Variants in MGAM2 observed in about 807,000 individuals in gnomAD.
MGAM2 encodes probable maltase-glucoamylase 2.
Under a neutral mutation model 96.1 loss-of-function variants are expected in MGAM2, and 98 were observed. That is an observed-to-expected ratio of 1.02 (90% CI 0.87 to 1.21). The LOEUF is 1.21. Among genes scored for constraint, MGAM2 ranks in the 50% most tolerant of loss-of-function variants. The probability of loss-of-function intolerance (pLI) is 0.00; values close to 1 mark genes in which losing one functional copy is unlikely to be tolerated. For synonymous variants in MGAM2, 749 were observed against 414.8 expected (o/e 1.81, Z -9.79); for missense variants, 2,055 against 1,182.4 (o/e 1.74, Z -10.82).
Position 142,177,381 on chromosome 7 carries a change from C to A in MGAM2, c.3816+1601C>A, listed in dbSNP as rs529142866. On this transcript the variant is annotated intron_variant, in intron 32 of 47. Coordinates refer to ENST00000477922, the MANE Select transcript of MGAM2 (RefSeq NM_001293626.2). ...ATTACCTCCTACCATGTCCCTCTTACAACACATGAGAATTCAGGATGAGAT... is the reference window on the plus strand; with the variant it reads ...ATTACCTCCTACCATGTCCCTCTTAAAACACATGAGAATTCAGGATGAGAT... Among the ~76,000 whole-genome samples the A allele has an allele frequency of 1.2e-4, 18 of 152,286 alleles. No individual in the cohort carries two copies. In the South Asian group the frequency reaches 3.7e-3, roughly 32 times the overall value.
At chr7:142,135,081 A>C (rs1415850689) in intron 7 of MGAM2, among the ~76,000 whole-genome samples, 1 of 151,898 alleles carries the variant, frequency 6.6e-6, no homozygotes, top group Non-Finnish European at 1.5e-5. Flanking sequence ...TGTGCTGATG[A>C]TATTTCTTGG....
chr7:142,160,939 T>C (rs1309542049), intron 21 of MGAM2, among the ~76,000 whole-genome samples, 186 bp from the exon 22 acceptor site: 1 of 152,170 alleles, frequency 6.6e-6, no homozygotes, highest in African/African-American at 2.4e-5. Flanking sequence ...CTTCCCTTTA[T>C]GTCCACTCAC....
At chr7:142,179,279 G>A (rs919078807) in intron 32 of MGAM2, among the ~76,000 whole-genome samples, 1 of 152,106 alleles carries the variant, frequency 6.6e-6, no homozygotes, top group African/African-American at 2.4e-5. Flanking sequence ...GGTTTTCTAG[G>A]TATGGAATCA....
chr7:142,138,439 C>T (rs2129079687), intron 9 of MGAM2, 103 bp from the exon 10 acceptor site: 3 of 599,426 alleles, frequency 5.0e-6, no homozygotes, highest in East Asian at 2.8e-5. Context: ...ATTATTCTAG[C>T]AGATTACTCT....
chr7:142,216,739 AT>A, intron 46 of MGAM2, among the ~76,000 whole-genome samples: 1 of 152,240 alleles, frequency 6.6e-6, no homozygotes, highest in South Asian at 2.1e-4. Flanking sequence ...TTTTTCCTTG[AT>A]TCTGCCTGCC....
At chr7:142,117,857 T>G (rs902734156) in intron 2 of MGAM2, among the ~76,000 whole-genome samples, 6 of 152,170 alleles carry the variant, frequency 3.9e-5, no homozygotes, top group African/African-American at 9.7e-5. Flanking sequence ...TTATTTGATA[T>G]AAAACTAGAT....
intron 37 of MGAM2, among the ~76,000 whole-genome samples, chr7:142,192,547 G>A (rs1796902404): frequency 6.6e-6 from 1 of 152,190 alleles, no homozygotes; most frequent in South Asian, 2.1e-4. Context: ...TAGAAGAAGT[G>A]ATGTTTGAAT....
At chr7:142,114,230 GAAATA>G (rs1817308487) in intron 1 of MGAM2, among the ~76,000 whole-genome samples, 1 of 147,490 alleles carries the variant, frequency 6.8e-6, no homozygotes, top group Non-Finnish European at 1.5e-5. Context: ...AAGAAAGAAA[GAAATA>G]GGAGACTACA....
At chr7:142,212,772 T>C (rs2961059) in intron 46 of MGAM2, among the ~76,000 whole-genome samples, 97,329 of 151,958 alleles carry the variant, frequency 0.64, 31,311 homozygotes, top group Admixed American at 0.69. Context: ...ATTAGACAGA[T>C]CAACAAGACA....
At chr7:142,161,863 G>A in intron 22 of MGAM2, 92 bp from the exon 23 acceptor site, 2 of 563,536 alleles carry the variant, frequency 3.5e-6, no homozygotes, top group Non-Finnish European at 6.2e-6. Flanking sequence ...CTAGATGGTT[G>A]GTAAAGGAAT....
Position 142,159,335 on chromosome 7 carries a change from T to C in MGAM2, c.2212T>C (p.Tyr738His), listed in dbSNP as rs748919719. The C allele has an allele frequency of 1.6e-5, 11 of 702,390 alleles. No homozygotes were observed. Among genetic ancestry groups the C allele is most frequent in the Admixed American group, 4.0e-5 (2 of 49,982 alleles). The allele number at this position is 702,390 out of a possible 1,614,324, so 43.5% of individuals were successfully genotyped here. Residue 738 changes from tyrosine (Y) to histidine (H), a missense_variant, in exon 20 of 48, where the codon TAT becomes CAT. By Grantham distance (83) the Tyr-to-His change is moderately conservative. Coordinates refer to ENST00000477922, the MANE Select transcript of MGAM2 (RefSeq NM_001293626.2). Reference sequence around the variant, plus strand: ...CATACCTGATGCCACCTGGTATGACTATGAGACAGTAAGTAAGGCAGCCCT... The same window carrying C: ...CATACCTGATGCCACCTGGTATGACCATGAGACAGTAAGTAAGGCAGCCCT... ...AYIPDATWYD[Y>H]ETGVAISWRK...
chr7:142,157,022 TG>T (rs1795754839), intron 17 of MGAM2, among the ~76,000 whole-genome samples: 1 of 152,180 alleles, frequency 6.6e-6, no homozygotes, highest in Admixed American at 6.5e-5. Flanking sequence ...ATTTGCACAA[TG>T]TATGTCAAAG....
intron 12 of MGAM2, among the ~76,000 whole-genome samples, chr7:142,143,259 C>T (rs7780177): frequency 0.37 from 56,722 of 151,922 alleles, 11,220 homozygotes; most frequent in East Asian, 0.48. Context: ...GTTTGATAGG[C>T]ATAGACAGAA....
At chr7:142,117,283 T>G (rs572370768) in intron 2 of MGAM2, among the ~76,000 whole-genome samples, 3 of 152,220 alleles carry the variant, frequency 2.0e-5, no homozygotes, top group South Asian at 4.2e-4. Flanking sequence ...CTGCCTTCAA[T>G]GAGAAAGGAC....
chr7:142,205,403 G>A (rs1186400245), intron 45 of MGAM2, among the ~76,000 whole-genome samples: 2 of 152,032 alleles, frequency 1.3e-5, no homozygotes, highest in African/African-American at 4.8e-5. Flanking sequence ...TTCTATAGAG[G>A]CAGCACCATT....
chr7:142,209,704 T>C (rs1797517805), intron 46 of MGAM2, among the ~76,000 whole-genome samples: 1 of 152,230 alleles, frequency 6.6e-6, no homozygotes, highest in Non-Finnish European at 1.5e-5. Context: ...TTCCTGCTTA[T>C]AGTGGTTTCC....
chr7:142,165,924 A>G (rs1375890598), intron 24 of MGAM2, among the ~76,000 whole-genome samples, 174 bp from the exon 25 acceptor site: 1 of 152,084 alleles, frequency 6.6e-6, no homozygotes, highest in African/African-American at 2.4e-5. Context: ...TTCCACAATG[A>G]CTCCATGAAG....
intron 19 of MGAM2, among the ~76,000 whole-genome samples, 188 bp from the exon 20 acceptor site, chr7:142,159,099 T>C (rs1795817931): frequency 6.6e-6 from 1 of 152,160 alleles, no homozygotes; most frequent in African/African-American, 2.4e-5. Flanking sequence ...AAACAAATCA[T>C]TTTTAGCTAC....
intron 6 of MGAM2, among the ~76,000 whole-genome samples, chr7:142,133,214 A>G (rs1311540884): frequency 7.0e-6 from 1 of 142,642 alleles, no homozygotes; most frequent in East Asian, 2.0e-4. Context: ...AAATATATAA[A>G]TATATATTTT....
Sources: allele counts gnomAD v4.1 joint callset (sites outside exome capture counted in the v4.1 genomes callset), GRCh38; gene constraint gnomAD v4.1.1; transcripts MANE v1.5; gene names NCBI Gene and HGNC (gene_info 2026-07-23, HGNC 2026-07-21).